UBE4A: variants seen among roughly 807,000 people sequenced by gnomAD.
UBE4A encodes the protein ubiquitination factor E4A, also known as ubiquitin conjugation factor E4 A.
UBE4A carries 48 observed loss-of-function variants against 117.9 expected under a neutral mutation model. That is an observed-to-expected ratio of 0.41 (90% confidence interval 0.32 to 0.52). The LOEUF (loss-of-function observed/expected upper bound fraction) is 0.52, where lower values mean the gene tolerates loss of function less well. UBE4A is among the 20% of genes least tolerant of loss of function. UBE4A has a pLI of 0.33. For synonymous variants in UBE4A, 407 were observed against 450.0 expected (o/e 0.90, Z 1.21); for missense variants, 1,067 against 1,296.3 (o/e 0.82, Z 2.72).
In UBE4A at chr11:118,392,870, T is replaced by A; in HGVS notation, c.3049T>A (p.Ser1017Thr). The change falls in exon 19 of 20, where the codon TCC becomes ACC. Residue 1017 changes from serine to threonine, a missense_variant. Ser to Thr is a moderately conservative substitution (Grantham distance 58). Around this residue, in one of 3 missense-constraint regions of UBE4A, gnomAD observed 34 missense variants for 77.7 expected, o/e 0.44. Coordinates refer to ENST00000252108, the MANE Select transcript of UBE4A (RefSeq NM_001204077.2). ...ATCTTCCAGAGTCACTGTGGATAGA[T>A]CCACCATTGCAAGACATTTGCTCAG... ...LPSSRVTVDR[S>T]TIARHLLSDQ... 6.2e-7 allele frequency: 1 copy of A among 1,614,084 alleles called. No individual in the cohort carries two copies. The highest frequency in any genetic ancestry group is 2.2e-5 in the East Asian group (1 of 44,878).
rs1186460010 is a variant in UBE4A at position 118,397,512 on chromosome 11, A to AG, written c.*1073dup. 6.6e-6 allele frequency: 1 copy of AG among 152,250 alleles called. No homozygotes were observed. Among genetic ancestry groups the AG allele is most frequent in the African/African-American group, 2.4e-5 (1 of 41,466 alleles). The allele number at this position is 152,250 out of a possible 1,614,324, so 9.4% of individuals were successfully genotyped here. ...ACAGCCTTAGGTCTTCAATTAACAA[A>AG]GTAGGAAGTTGAGCACAACCTTGTC... On this transcript the variant is annotated 3_prime_UTR_variant, in exon 20 of 20. Coordinates refer to ENST00000252108, the MANE Select transcript of UBE4A (RefSeq NM_001204077.2).
chr11:118,376,014 A>G (rs1476509959), intron 9 of UBE4A, among the ~76,000 whole-genome samples: 2 of 152,166 alleles, frequency 1.3e-5, no homozygotes, highest in Non-Finnish European at 2.9e-5. Flanking sequence ...GAGAAAAGCA[A>G]GTGTAAAGGT....
Position 118,396,443 on chromosome 11 carries a change from A to C in UBE4A, c.*3A>C, listed in dbSNP as rs377002812. On this transcript the variant is annotated 3_prime_UTR_variant, in exon 20 of 20. Coordinates refer to ENST00000252108, the MANE Select transcript of UBE4A (RefSeq NM_001204077.2). Reference sequence around the variant, plus strand: ...AACAAAAGGAGCAACTTGAATAGATACTGTGAACTAACCAAACCAAAACCA... The same window carrying C: ...AACAAAAGGAGCAACTTGAATAGATCCTGTGAACTAACCAAACCAAAACCA... The C allele has an allele frequency of 2.4e-5, 38 of 1,612,886 alleles. No individual in the cohort carries two copies. The highest frequency in any genetic ancestry group is 3.2e-5 in the Non-Finnish European group (38 of 1,179,418).
Position 118,381,015 on chromosome 11 carries a change from C to A in UBE4A, c.1877-376C>A, listed in dbSNP as rs573433254. Among the ~76,000 whole-genome samples the A allele has an allele frequency of 5.3e-5, 8 of 152,274 alleles. No homozygotes were observed. The East Asian group carries it at 1.5e-3, about 29-fold the overall frequency. ...GCATAAGGTCATGAATACCAAAAGGCAATGATCATTGGAGGACCATCCTGG... is the reference window on the plus strand; with the variant it reads ...GCATAAGGTCATGAATACCAAAAGGAAATGATCATTGGAGGACCATCCTGG... On this transcript the variant is annotated intron_variant, in intron 11 of 19. Transcript: ENST00000252108.
At chr11:118,373,001 A>AAT in intron 6 of UBE4A, 85 bp from the exon 7 acceptor site, 2 of 1,213,408 alleles carry the variant, frequency 1.6e-6, no homozygotes, top group Non-Finnish European at 2.3e-6. Context: ...AAAAAAAAAA[A>AAT]GAATTATTGA....
Position 118,384,908 on chromosome 11 carries a change from T to C in UBE4A, c.2375T>C (p.Met792Thr). 1 of 1,599,170 alleles carries C rather than the reference T, an allele frequency of 6.3e-7. No homozygotes were observed. Among genetic ancestry groups the C allele is most frequent in the Non-Finnish European group, 8.5e-7 (1 of 1,176,780 alleles). Residue 792 changes from methionine (M) to threonine (T), a missense_variant, in exon 15 of 20, where the codon ATG becomes ACG. Around this residue, in one of 3 missense-constraint regions of UBE4A, gnomAD observed 1,001 missense variants for 1,184.0 expected, o/e 0.85. Transcript: ENST00000252108. ...TTCCTCCGCTTTCTTAACCTGCTAA[T>C]GAATGATGCCATCTTCCTTTTGGAT... ...PLFLRFLNLL[M>T]NDAIFLLDEA...
Position 118,398,927 on chromosome 11 carries a change from A to G in UBE4A, c.*2487A>G, listed in dbSNP as rs1948900112. Reference sequence around the variant, plus strand: ...TACAAAAGCTTCATTACTTTATTTGATGGTGGTTGCTAAGCAGCCATTGCA... The same window carrying G: ...TACAAAAGCTTCATTACTTTATTTGGTGGTGGTTGCTAAGCAGCCATTGCA... On this transcript the variant is annotated 3_prime_UTR_variant, in exon 20 of 20. Coordinates refer to ENST00000252108, the MANE Select transcript of UBE4A (RefSeq NM_001204077.2). 3.4e-6 allele frequency: 1 copy of G among 297,028 alleles called. No individual in the cohort carries two copies. The highest frequency in any genetic ancestry group is 7.1e-6 in the Non-Finnish European group (1 of 141,496). The allele number at this position is 297,028 out of a possible 1,614,324, so 18.4% of individuals were successfully genotyped here. A position where few individuals can be genotyped will look rare whatever the true frequency, so the allele number is the denominator to read the frequency against.
At chr11:118,374,078 C>T (rs986137791) in intron 8 of UBE4A, among the ~76,000 whole-genome samples, 39 of 151,940 alleles carry the variant, frequency 2.6e-4, no homozygotes, top group African/African-American at 6.0e-4. Context: ...TGCATCATCA[C>T]GCTCCGGCCT....
At chr11:118,363,785 AT>A (rs1358253260) in intron 1 of UBE4A, among the ~76,000 whole-genome samples, 1 of 151,610 alleles carries the variant, frequency 6.6e-6, no homozygotes, top group Non-Finnish European at 1.5e-5. Context: ...TGCCTGGCTA[AT>A]TTTCGTGTTT....
In UBE4A at chr11:118,390,752, A is replaced by T; in HGVS notation, c.2864A>T (p.Asn955Ile). ...AQTVRVLKKI[N>I]KPGNMIMAFS... ...ACAGTTCGAGTCTTGAAGAAAATAA[A>T]TAAGCCTGGGAATATGATTATGGCT... The change falls in exon 18 of 20, where the codon AAT becomes ATT. Residue 955 changes from asparagine (N) to isoleucine (I), a missense_variant. Asn to Ile is a moderately radical substitution (Grantham distance 149). This residue lies in a region of UBE4A where 1,001 missense variants were observed against 1,184.0 expected (regional missense o/e 0.85). Coordinates refer to ENST00000252108, the MANE Select transcript of UBE4A (RefSeq NM_001204077.2). 6.2e-7 allele frequency: 1 copy of T among 1,608,950 alleles called. No individual in the cohort carries two copies. The highest frequency in any genetic ancestry group is 1.1e-5 in the South Asian group (1 of 90,824).
At chr11:118,362,718 T>C (rs1000858523) in intron 1 of UBE4A, among the ~76,000 whole-genome samples, 2 of 152,258 alleles carry the variant, frequency 1.3e-5, no homozygotes, top group African/African-American at 4.8e-5. Flanking sequence ...TCTATCTTAC[T>C]GGCTTATCAA....
chr11:118,377,215 CGTT>C (rs1414961341), intron 10 of UBE4A, among the ~76,000 whole-genome samples: 2 of 151,992 alleles, frequency 1.3e-5, no homozygotes, highest in African/African-American at 2.4e-5. Context: ...TTATCGTTGT[CGTT>C]GTTGTTGAAA....
Position 118,397,230 on chromosome 11 carries a change from T to C in UBE4A, c.*790T>C, listed in dbSNP as rs1217695270. The stretch of plus-strand genomic sequence containing the variant: ...CAACGGGTATCATATCCATGAAAAA[T>C]GTCATTTTAAGACACTAATATCAAC... On this transcript the variant is annotated 3_prime_UTR_variant, in exon 20 of 20. Transcript: ENST00000252108. The C allele has an allele frequency of 2.6e-5, 4 of 152,094 alleles. No individual in the cohort carries two copies. Among genetic ancestry groups the C allele is most frequent in the African/African-American group, 9.7e-5 (4 of 41,394 alleles). 9.4% of individuals were successfully genotyped at this position (152,094 alleles called of 1,614,324 possible). A position where few individuals can be genotyped will look rare whatever the true frequency, so the allele number is the denominator to read the frequency against.
Position 118,396,396 on chromosome 11 carries a change from C to T in UBE4A, c.3157C>T (p.Arg1053Trp), listed in dbSNP as rs1555129727. The T allele has an allele frequency of 4.3e-6, 7 of 1,613,714 alleles. No homozygotes were observed. Among genetic ancestry groups the T allele is most frequent in the Admixed American group, 1.7e-5 (1 of 59,958 alleles). Residue 1053 changes from arginine (R) to tryptophan (W), a missense_variant, in exon 20 of 20, where the codon CGG becomes TGG. By Grantham distance (101) the Arg-to-Trp change is moderately radical. Around this residue, in one of 3 missense-constraint regions of UBE4A, gnomAD observed 32 missense variants for 34.5 expected, o/e 0.93. Coordinates refer to ENST00000252108, the MANE Select transcript of UBE4A (RefSeq NM_001204077.2). Reference protein sequence around the residue: ...PNTELKEKIQRWLAERKQQKE... With the variant: ...PNTELKEKIQWWLAERKQQKE... ...CACAGAACTAAAAGAAAAAATCCAA[C>T]GGTGGCTTGCAGAGAGGAAACAACA...
intron 10 of UBE4A, among the ~76,000 whole-genome samples, 182 bp from the exon 11 acceptor site, chr11:118,379,264 T>C (rs1555125861): frequency 6.6e-6 from 1 of 152,246 alleles, no homozygotes; most frequent in East Asian, 1.9e-4. Flanking sequence ...CTTGGCAGCA[T>C]TTTCCCATTG....
Position 118,384,865 on chromosome 11 carries a change from G to T in UBE4A, c.2332G>T (p.Ala778Ser). 1 of 1,611,138 alleles carries T rather than the reference G, an allele frequency of 6.2e-7. No homozygotes were observed. The highest frequency in any genetic ancestry group is 8.5e-7 in the Non-Finnish European group (1 of 1,179,530). ...LADYASKNLE[A>S]MNPPLFLRFL... ...TGACTATGCCTCTAAGAATTTAGAA[G>T]CCATGAATCCCCCACTTTTCCTCCG... The change falls in exon 15 of 20, where the codon GCC becomes TCC. Residue 778 changes from alanine to serine, a missense_variant. Ala to Ser is a moderately conservative substitution (Grantham distance 99). Transcript: ENST00000252108.
Position 118,397,183 on chromosome 11 carries a change from A to AC in UBE4A, c.*744dup, listed in dbSNP as rs782082879. ...CTTATGAAAATCTGTTTCTACAAGG[A>AC]CTAGGCCTAAGTAGATTTAGGCAAC... On this transcript the variant is annotated 3_prime_UTR_variant, in exon 20 of 20. Transcript: ENST00000252108. 4.6e-5 allele frequency: 7 copies of AC among 152,120 alleles called. No homozygotes were observed. Among genetic ancestry groups the AC allele is most frequent in the Non-Finnish European group, 1.0e-4 (7 of 68,040 alleles). 9.4% of individuals were successfully genotyped at this position (152,120 alleles called of 1,614,324 possible).
intron 15 of UBE4A, 76 bp downstream of exon 15, chr11:118,385,021 T>G: frequency 7.4e-7 from 1 of 1,350,828 alleles, no homozygotes; most frequent in East Asian, 2.3e-5. Context: ...ATTTTACCTT[T>G]TAATCATAAT....
chr11:118,385,945 T>G (rs1370279669), intron 15 of UBE4A, among the ~76,000 whole-genome samples: 1 of 152,330 alleles, frequency 6.6e-6, no homozygotes, highest in Non-Finnish European at 1.5e-5. Context: ...ACAAGTTGTT[T>G]GCTACAACAG....
Sources: allele counts gnomAD v4.1 joint callset (sites outside exome capture counted in the v4.1 genomes callset), GRCh38; gene constraint gnomAD v4.1.1; regional missense constraint gnomAD v4.1.1; transcripts MANE v1.5; gene names NCBI Gene and HGNC (gene_info 2026-07-23, HGNC 2026-07-21).